ADCY9: variants seen among roughly 807,000 people sequenced by gnomAD.
ADCY9 encodes adenylate cyclase 9, also known as adenylate cyclase type 9.
ADCY9 carries 50 observed loss-of-function variants against 101.5 expected under a neutral mutation model. The observed-to-expected ratio is 0.49, with a 90% CI of 0.39 to 0.62. ADCY9 has a LOEUF of 0.62. ADCY9 is among the 20% of genes least tolerant of loss of function. ADCY9 has a pLI of 0.00. For missense variants in ADCY9, 1,662 were observed against 1,800.4 expected (o/e 0.92, Z 1.39); for synonymous variants, 905 against 769.3 (o/e 1.18, Z -2.92).
chr16:3,965,683 GC>G lies in ADCY9; in HGVS notation c.*91del. On this transcript the variant is annotated 3_prime_UTR_variant, in exon 11 of 11. Transcript: ENST00000294016. The stretch of plus-strand genomic sequence containing the variant: ...CCACATAACACCACGTCCGGGGAGG[GC>G]AACTGTGGCGCTTGGAAAGCACAAC... 1 of 1,207,340 alleles carries G rather than the reference GC, an allele frequency of 8.3e-7. No homozygotes were observed. The highest frequency in any genetic ancestry group is 1.2e-6 in the Non-Finnish European group (1 of 855,726). 74.8% of individuals were successfully genotyped at this position (1,207,340 alleles called of 1,614,324 possible). A position where few individuals can be genotyped will look rare whatever the true frequency, so the allele number is the denominator to read the frequency against.
At chr16:4,072,800 A>C (rs900213990) in intron 2 of ADCY9, among the ~76,000 whole-genome samples, 2 of 152,170 alleles carry the variant, frequency 1.3e-5, no homozygotes, top group African/African-American at 4.8e-5. Flanking sequence ...AAAAATAAAG[A>C]GAAAATCTTA....
chr16:4,013,660 C>T (rs944050644), intron 2 of ADCY9, among the ~76,000 whole-genome samples: 5 of 152,276 alleles, frequency 3.3e-5, no homozygotes, highest in East Asian at 3.9e-4. Flanking sequence ...TTCTTCCTCA[C>T]GACTAGGTCG....
intron 5 of ADCY9, among the ~76,000 whole-genome samples, chr16:3,989,814 A>G (rs1160484485): frequency 3.9e-5 from 6 of 152,232 alleles, no homozygotes; most frequent in African/African-American, 1.4e-4. Context: ...GCTTCAAACG[A>G]AAACATAATT....
chr16:4,082,479 C>A (rs1310040351), intron 2 of ADCY9, among the ~76,000 whole-genome samples: 1 of 152,188 alleles, frequency 6.6e-6, no homozygotes, highest in Non-Finnish European at 1.5e-5. Flanking sequence ...CCTCCCCGTT[C>A]CCACACACCT....
chr16:4,032,197 T>C (rs1023303638), intron 2 of ADCY9: 2 of 150,774 alleles, frequency 1.3e-5, no homozygotes, highest in African/African-American at 2.4e-5. Flanking sequence ...GCTGAGGCAA[T>C]AGAATTGCTT....
chr16:4,020,556 T>A (rs1254389857), intron 2 of ADCY9, among the ~76,000 whole-genome samples: 2 of 152,128 alleles, frequency 1.3e-5, no homozygotes, highest in African/African-American at 4.8e-5. Context: ...GCGTGGTGGC[T>A]CACGTCTGTA....
intron 2 of ADCY9, among the ~76,000 whole-genome samples, chr16:4,083,936 T>C (rs927338820): frequency 2.0e-5 from 3 of 152,200 alleles, no homozygotes; most frequent in Non-Finnish European, 2.9e-5. Flanking sequence ...GTGATGGATG[T>C]CAAAGTATAG....
intron 10 of ADCY9, among the ~76,000 whole-genome samples, chr16:3,971,530 T>C (rs542208678): frequency 6.6e-6 from 1 of 152,262 alleles, no homozygotes; most frequent in South Asian, 2.1e-4. Flanking sequence ...ACAGATGACA[T>C]TACATATCCT....
intron 2 of ADCY9, among the ~76,000 whole-genome samples, chr16:4,029,017 T>C (rs2056536450): frequency 1.3e-5 from 2 of 152,228 alleles, no homozygotes; most frequent in South Asian, 2.1e-4. Context: ...ACTCCTCACC[T>C]CGTGATCCAC....
intron 2 of ADCY9, among the ~76,000 whole-genome samples, chr16:4,073,959 C>T (rs1009116033): frequency 2.0e-5 from 3 of 152,136 alleles, no homozygotes; most frequent in East Asian, 1.9e-4. Context: ...ATATGGCAGC[C>T]GCTTAAATTT....
At chr16:3,954,360 C>G (rs2055896618) in intron 5 of ADCY9, among the ~76,000 whole-genome samples, 1 of 152,170 alleles carries the variant, frequency 6.6e-6, no homozygotes, top group Non-Finnish European at 1.5e-5. Flanking sequence ...GGGTGGGGCT[C>G]TCTGGGCCCC....
chr16:3,971,887 G>A (rs532948015), intron 10 of ADCY9, among the ~76,000 whole-genome samples: 3 of 152,232 alleles, frequency 2.0e-5, no homozygotes, highest in East Asian at 1.9e-4. Flanking sequence ...TGCGGGAGCC[G>A]GAGCCAGCAG....
At position 4,116,210 on chromosome 16, in the gene ADCY9, G is replaced by A. The variant is rs1394770113; in HGVS notation, c.-564C>T. 5 of 146,036 alleles carry A rather than the reference G, an allele frequency of 3.4e-5. No individual in the cohort carries two copies. The highest frequency in any genetic ancestry group is 1.2e-4 in the African/African-American group (5 of 40,738). 9.0% of individuals were successfully genotyped at this position (146,036 alleles called of 1,614,324 possible). Reference sequence around the variant, plus strand: ...CAGCTGTCCCGGGACCGAGCGCGTGGAACCACGGACGCGGGCCCCTCGCCG... The same window carrying A: ...CAGCTGTCCCGGGACCGAGCGCGTGAAACCACGGACGCGGGCCCCTCGCCG... On this transcript the variant is annotated 5_prime_UTR_variant, in exon 1 of 11. Transcript: ENST00000294016.
At chr16:3,993,602 C>T (rs764313675) in intron 3 of ADCY9, 92 bp from the exon 4 acceptor site, 506 of 1,505,980 alleles carry the variant, frequency 3.4e-4, no homozygotes, top group Non-Finnish European at 4.4e-4. Flanking sequence ...TCTGCCGTCA[C>T]GCAGCATGGT....
At chr16:4,063,765 A>G (rs1464039041) in intron 2 of ADCY9, among the ~76,000 whole-genome samples, 4 of 152,080 alleles carry the variant, frequency 2.6e-5, no homozygotes, top group Non-Finnish European at 5.9e-5. Context: ...TAAAAAGGAG[A>G]GTAAACTAAA....
intron 2 of ADCY9, among the ~76,000 whole-genome samples, chr16:4,057,325 T>G (rs1345928266): frequency 6.6e-6 from 1 of 152,056 alleles, no homozygotes; most frequent in East Asian, 1.9e-4. Context: ...ATAATTCACA[T>G]ACCGTACAAT....
At chr16:3,980,817 T>C (rs2056135124) in intron 7 of ADCY9, among the ~76,000 whole-genome samples, 1 of 152,198 alleles carries the variant, frequency 6.6e-6, no homozygotes. Flanking sequence ...AAGTTCCCAG[T>C]CAGCAGCGGG....
chr16:4,030,496 G>C (rs2141753522), intron 2 of ADCY9, among the ~76,000 whole-genome samples: 1 of 152,102 alleles, frequency 6.6e-6, no homozygotes, highest in East Asian at 1.9e-4. Context: ...GAGGTCAGGA[G>C]TTTGAGACCA....
intron 3 of ADCY9, among the ~76,000 whole-genome samples, chr16:4,003,957 G>C (rs1029784455): frequency 1.3e-5 from 2 of 151,860 alleles, no homozygotes; most frequent in African/African-American, 4.8e-5. Context: ...CTCACTGCTG[G>C]TCATTTCAAG....
Sources: allele counts gnomAD v4.1 joint callset (sites outside exome capture counted in the v4.1 genomes callset), GRCh38; gene constraint gnomAD v4.1.1; transcripts MANE v1.5; gene names NCBI Gene and HGNC (gene_info 2026-07-23, HGNC 2026-07-21).